Variants in RUBCNL observed in about 807,000 individuals in gnomAD.
RUBCNL encodes rubicon like autophagy enhancer.
RUBCNL carries 62 observed loss-of-function variants against 69.5 expected under a neutral mutation model. That is an observed-to-expected ratio of 0.89 (90% CI 0.73 to 1.10). The LOEUF is 1.10. RUBCNL is among the 50% of genes least tolerant of loss of function. RUBCNL has a pLI of 0.00. For synonymous variants in RUBCNL, 291 were observed against 303.6 expected (o/e 0.96, Z 0.43); for missense variants, 768 against 798.1 (o/e 0.96, Z 0.45).
rs1318642755 is a variant in RUBCNL at position 46,338,974 on chromosome 13, A to G, written c.*4411T>C. 1.1e-4 allele frequency among the ~76,000 whole-genome samples: 16 copies of G among 151,756 alleles called. No homozygotes were observed. The highest frequency in any genetic ancestry group is 1.1e-3 in the Admixed American group (16 of 15,226). On this transcript the variant is annotated 3_prime_UTR_variant, in exon 15 of 15. Coordinates refer to ENST00000429979, the MANE Select transcript of RUBCNL (RefSeq NM_025113.5). The stretch of plus-strand genomic sequence containing the variant: ...AGGCAGGAAAATCGCTTGAACCGGG[A>G]AGCAGAGGCTGCAGTGAACTGAGAT...
At chr13:46,345,774 G>A (rs1203417145) in intron 12 of RUBCNL, among the ~76,000 whole-genome samples, 174 bp from the exon 13 acceptor site, 1 of 152,120 alleles carries the variant, frequency 6.6e-6, no homozygotes, top group African/African-American at 2.4e-5. Context: ...TCTACATGTT[G>A]CAAGTTTGCT....
intron 1 of RUBCNL, 101 bp from the exon 2 acceptor site, chr13:46,378,106 A>C: frequency 1.5e-6 from 1 of 645,562 alleles, no homozygotes; most frequent in Non-Finnish European, 2.5e-6. Context: ...CAGTTAAGAA[A>C]TATTTTTTTA....
chr13:46,372,252 T>C lies in RUBCNL; in HGVS notation c.224A>G (p.Asn75Ser). Reference sequence around the variant, plus strand: ...ATCTGTCACAAAATGGGTCCCACTGTTCCCTGCTGCTGGCACCTGAGATTG... The same window carrying C: ...ATCTGTCACAAAATGGGTCCCACTGCTCCCTGCTGCTGGCACCTGAGATTG... ...DLQSQVPAAG[N>S]SGTHFVTDAA... The change falls in exon 3 of 15, where the codon AAC becomes AGC. Residue 75 changes from asparagine to serine, a missense_variant. Coordinates refer to ENST00000429979, the MANE Select transcript of RUBCNL (RefSeq NM_025113.5). 6.2e-7 allele frequency: 1 copy of C among 1,614,000 alleles called. No individual in the cohort carries two copies. Among genetic ancestry groups the C allele is most frequent in the Non-Finnish European group, 8.5e-7 (1 of 1,179,860 alleles).
intron 1 of RUBCNL, among the ~76,000 whole-genome samples, chr13:46,383,248 C>A (rs1566093832): frequency 6.6e-6 from 1 of 152,166 alleles, no homozygotes; most frequent in Non-Finnish European, 1.5e-5. Context: ...CCTATCTGAC[C>A]TCCTTATCTG....
intron 2 of RUBCNL, among the ~76,000 whole-genome samples, chr13:46,375,217 A>C (rs998316506): frequency 6.6e-6 from 1 of 152,178 alleles, no homozygotes; most frequent in Non-Finnish European, 1.5e-5. Flanking sequence ...AACAAATCCA[A>C]CAAAATGGAG....
In RUBCNL at chr13:46,338,538, TG is replaced by T. The variant is rs2048118996; in HGVS notation, c.*4846del. On this transcript the variant is annotated 3_prime_UTR_variant, in exon 15 of 15. Coordinates refer to ENST00000429979, the MANE Select transcript of RUBCNL (RefSeq NM_025113.5). ...GCTCCATTTGATCTAACAGGAGGGG[TG>T]GGGGCTTTGGGTGCGCTTGCCCTTT... is the stretch of plus-strand genomic sequence containing the variant. Among the ~76,000 whole-genome samples, 1 of 151,140 alleles carries T rather than the reference TG, an allele frequency of 6.6e-6. No homozygotes were observed.
rs765244889 is a variant in RUBCNL at position 46,343,321 on chromosome 13, A to G, written c.*64T>C. The G allele has an allele frequency of 1.3e-6, 2 of 1,573,462 alleles. No individual in the cohort carries two copies. The highest frequency in any genetic ancestry group is 3.7e-5 in the Admixed American group (2 of 54,280). On this transcript the variant is annotated 3_prime_UTR_variant, in exon 15 of 15. Transcript: ENST00000429979. ...AATATCTAAAACAATGTCACCAATAATAGACACAAATCGGTGTTATCATAA... is the reference window on the plus strand; with the variant it reads ...AATATCTAAAACAATGTCACCAATAGTAGACACAAATCGGTGTTATCATAA...
rs748562965 is a variant in RUBCNL, at chr13:46,368,745, A to G, written c.606T>C (p.Val202=). The G allele has an allele frequency of 2.0e-5, 32 of 1,613,486 alleles. No homozygotes were observed. Among genetic ancestry groups the G allele is most frequent in the Middle Eastern group, 3.3e-4 (2 of 6,082 alleles). ...AGATAGCATTCACCTTTTCTACATC[A>G]ACAGGCAGCACAAATACCTCTGGTG... ...SFSPEVFVLP[V]DVEKENAHFY... Residue 202 remains valine, a synonymous_variant, in exon 4 of 15, where the codon GTT becomes GTC. Transcript: ENST00000429979.
At chr13:46,359,396 A>AT (rs1304573610) in intron 9 of RUBCNL, 90 bp downstream of exon 9, 42 of 1,094,610 alleles carry the variant, frequency 3.8e-5, no homozygotes, top group African/African-American at 6.5e-5. Context: ...TAGCATATGT[A>AT]TTTTTTTCAC....
In RUBCNL at chr13:46,337,906, C is replaced by A. The variant is rs985786799; in HGVS notation, c.*5479G>T. Among the ~76,000 whole-genome samples the A allele has an allele frequency of 1.3e-5, 2 of 152,174 alleles. No homozygotes were observed. The highest frequency in any genetic ancestry group is 6.5e-5 in the Admixed American group (1 of 15,272). On this transcript the variant is annotated 3_prime_UTR_variant, in exon 15 of 15. Transcript: ENST00000429979. Reference sequence around the variant, plus strand: ...CCTCAGGAATGTGGACCTTCAGGGGCTGCAGGAGCAAAGGGAGAATAAAGT... The same window carrying A: ...CCTCAGGAATGTGGACCTTCAGGGGATGCAGGAGCAAAGGGAGAATAAAGT...
chr13:46,347,039 T>C (rs1396393042), intron 12 of RUBCNL, among the ~76,000 whole-genome samples: 2 of 152,204 alleles, frequency 1.3e-5, no homozygotes, highest in Non-Finnish European at 2.9e-5. Context: ...TACACAGGTA[T>C]ATCGCAGGAC....
chr13:46,345,297 A>G, intron 13 of RUBCNL, 150 bp downstream of exon 13: 1 of 906,220 alleles, frequency 1.1e-6, no homozygotes. Flanking sequence ...CTCAGCTGTT[A>G]CTTCACAGCT....
At chr13:46,378,208 C>G (rs182825534) in intron 1 of RUBCNL, among the ~76,000 whole-genome samples, 1 of 152,256 alleles carries the variant, frequency 6.6e-6, no homozygotes, top group Non-Finnish European at 1.5e-5. Flanking sequence ...CCTTCCTCAG[C>G]TTATGTTCTG....
At chr13:46,355,296 T>G (rs76204287) in intron 10 of RUBCNL, among the ~76,000 whole-genome samples, 1 of 54,426 alleles carries the variant, frequency 1.8e-5, no homozygotes, top group African/African-American at 1.0e-4. Context: ...AGCCCGAGCT[T>G]TTTTTTTTTT....
At chr13:46,355,123 C>T (rs986124035) in intron 10 of RUBCNL, among the ~76,000 whole-genome samples, 2 of 152,158 alleles carry the variant, frequency 1.3e-5, no homozygotes, top group Non-Finnish European at 2.9e-5. Flanking sequence ...GTAGGAGCTC[C>T]TCATAGTCTT....
At chr13:46,359,450 A>C (rs1225038129) in intron 9 of RUBCNL, 36 bp downstream of exon 9, 1 of 1,585,110 alleles carries the variant, frequency 6.3e-7, no homozygotes, top group Non-Finnish European at 8.6e-7. Context: ...ATGTGATTTA[A>C]ATGGATTGGA....
At chr13:46,347,638 T>C (rs539549891) in intron 12 of RUBCNL, among the ~76,000 whole-genome samples, 18 of 152,176 alleles carry the variant, frequency 1.2e-4, no homozygotes, top group African/African-American at 4.3e-4. Context: ...CATGGATGAA[T>C]AGATGGATTA....
In RUBCNL at chr13:46,335,452, G is replaced by A. The variant is rs1293034753; in HGVS notation, c.*7933C>T. Among the ~76,000 whole-genome samples the A allele has an allele frequency of 1.3e-5, 2 of 151,896 alleles. No homozygotes were observed. The highest frequency in any genetic ancestry group is 1.9e-4 in the East Asian group (1 of 5,188). Reference sequence around the variant, plus strand: ...GAGGGTTTAATCCACGGAGATAGACGATCTGATTTATGCTTTATAAACATT... The same window carrying A: ...GAGGGTTTAATCCACGGAGATAGACAATCTGATTTATGCTTTATAAACATT... On this transcript the variant is annotated 3_prime_UTR_variant, in exon 15 of 15. Transcript: ENST00000429979.
At chr13:46,370,321 A>G (rs1258510566) in intron 3 of RUBCNL, among the ~76,000 whole-genome samples, 1 of 152,258 alleles carries the variant, frequency 6.6e-6, no homozygotes, top group Non-Finnish European at 1.5e-5. Context: ...CTACAGCCTT[A>G]AGAAATGCTT....
Sources: allele counts gnomAD v4.1 joint callset (sites outside exome capture counted in the v4.1 genomes callset), GRCh38; gene constraint gnomAD v4.1.1; transcripts MANE v1.5; gene names NCBI Gene and HGNC (gene_info 2026-07-23, HGNC 2026-07-21).